The following ADGRL2 variants were observed in gnomAD, a reference collection of about 807,000 sequenced individuals.
ADGRL2 encodes the protein calcium-independent alpha-latrotoxin receptor 2.
In ADGRL2, 44 loss-of-function variants were observed where a neutral mutation model predicts 157.4. That is an observed-to-expected ratio of 0.28 (90% CI 0.22 to 0.36). The LOEUF (loss-of-function observed/expected upper bound fraction) is 0.36, where lower values mean the gene tolerates loss of function less well. ADGRL2 is among the 10% of genes least tolerant of loss of function. The pLI, the probability that ADGRL2 is intolerant of heterozygous loss-of-function variation, is 1.00. For missense variants in ADGRL2, 1,510 were observed against 1,768.9 expected, an observed-to-expected ratio of 0.85 and a Z score of 2.63; for synonymous variants, 585 against 624.7, an observed-to-expected ratio of 0.94 and a Z score of 0.95.
chr1:81,412,433 T>C (rs149275232), intron 1 of ADGRL2, among the ~76,000 whole-genome samples: 46 of 152,364 alleles, frequency 3.0e-4, no homozygotes, highest in Middle Eastern at 3.4e-3. Context: ...CATCTTCTCT[T>C]ACAGTTCAAC....
At chr1:81,711,547 A>G (rs984705456) in intron 1 of ADGRL2, among the ~76,000 whole-genome samples, 4 of 152,172 alleles carry the variant, frequency 2.6e-5, no homozygotes, top group African/African-American at 9.7e-5. Flanking sequence ...TTTTAAAAAG[A>G]CATACTTAAA....
chr1:81,951,134 C>T lies in ADGRL2; in HGVS notation c.1608+13C>T. 6.4e-7 allele frequency: 1 copy of T among 1,561,772 alleles called. No homozygotes were observed. The highest frequency in any genetic ancestry group is 8.8e-7 in the Non-Finnish European group (1 of 1,133,150). On this transcript the variant is annotated intron_variant, in intron 8 of 23. Transcript: ENST00000686636. Reference sequence around the variant, plus strand: ...GCTGGCTCAGAAGGTTGGTTGGAACCTTTTAATATGACACATTGGTGATTT... The same window carrying T: ...GCTGGCTCAGAAGGTTGGTTGGAACTTTTTAATATGACACATTGGTGATTT...
intron 1 of ADGRL2, among the ~76,000 whole-genome samples, chr1:81,753,228 C>A (rs1478631624): frequency 6.6e-6 from 1 of 152,194 alleles, no homozygotes; most frequent in Admixed American, 6.5e-5. Context: ...GGGGAGGCCT[C>A]ACAATCATGG....
chr1:81,993,071 ATATATATAT>A lies in ADGRL2; in HGVS notation c.*1927_*1935del, dbSNP rs1664836845. Reference sequence around the variant, plus strand: ...ATATATAATATACATATATATATATATATATATATATATATATTTTTTTTTTTTTTTTTT... The same window carrying A: ...ATATATAATATACATATATATATATAATATATATTTTTTTTTTTTTTTTTT... On this transcript the variant is annotated 3_prime_UTR_variant, in exon 24 of 24. Transcript: ENST00000686636. Among the ~76,000 whole-genome samples the A allele has an allele frequency of 3.4e-5, 1 of 29,488 alleles. No homozygotes were observed. 19.3% of individuals were successfully genotyped at this position (29,488 alleles called of 152,430 possible).
intron 14 of ADGRL2, 40 bp downstream of exon 14, chr1:81,968,239 T>G: frequency 6.5e-7 from 1 of 1,549,382 alleles, no homozygotes; most frequent in Non-Finnish European, 8.8e-7. Context: ...GAGAAAAACC[T>G]CAGAGATTCA....
intron 2 of ADGRL2, among the ~76,000 whole-genome samples, chr1:81,853,479 CA>C (rs1426255648): frequency 1.3e-5 from 2 of 152,054 alleles, no homozygotes; most frequent in Non-Finnish European, 2.9e-5. Flanking sequence ...TGCTGCTTGT[CA>C]GTAGTTTGTT....
At chr1:81,554,866 C>G (rs1307417700) in intron 2 of ADGRL2, among the ~76,000 whole-genome samples, 1 of 151,848 alleles carries the variant, frequency 6.6e-6, no homozygotes, top group Non-Finnish European at 1.5e-5. Flanking sequence ...CTATATGATC[C>G]CTGTATATTT....
chr1:81,396,395 TG>T (rs1205992882), intron 1 of ADGRL2, among the ~76,000 whole-genome samples: 2 of 152,202 alleles, frequency 1.3e-5, no homozygotes. Flanking sequence ...AACAGCTTTT[TG>T]TTAAGAGCTT....
intron 3 of ADGRL2, among the ~76,000 whole-genome samples, chr1:81,676,914 C>T (rs1028581742): frequency 2.7e-5 from 4 of 149,394 alleles, no homozygotes; most frequent in African/African-American, 9.9e-5. Context: ...TGTTCTCGAT[C>T]TCCTGACCTC....
At position 81,942,062 on chromosome 1, in the gene ADGRL2, C is replaced by G. The variant is rs766043894; in HGVS notation, c.409+17C>G. ...AGCAAAAAGGTAAATAACATACAGT[C>G]TGAACCCCAGCTCCCTGTTATGTGC... is the stretch of plus-strand genomic sequence containing the variant. On this transcript the variant is annotated intron_variant, in intron 5 of 23. Transcript: ENST00000686636. 5.2e-6 allele frequency: 4 copies of G among 768,090 alleles called. No homozygotes were observed. In the South Asian group the frequency reaches 5.5e-5, roughly 11 times the overall value. The allele number at this position is 768,090 out of a possible 1,614,324, so 47.6% of individuals were successfully genotyped here.
rs113405619 is a variant in ADGRL2 at position 81,323,166 on chromosome 1, T to A, written c.-302+16657T>A. Among the ~76,000 whole-genome samples the A allele has an allele frequency of 2.5e-3, 376 of 152,006 alleles. 2 individuals carry two copies. The highest frequency in any genetic ancestry group is 8.6e-3 in the African/African-American group (356 of 41,452). On this transcript the variant is annotated intron_variant, in intron 1 of 24. Coordinates refer to the ADGRL2 transcript ENST00000370721. Reference sequence around the variant, plus strand: ...AGCCACCGTGCCCGGCCTATAAACATATATTAATTGCCATTTTGGCAAGCA... The same window carrying A: ...AGCCACCGTGCCCGGCCTATAAACAAATATTAATTGCCATTTTGGCAAGCA...
intron 1 of ADGRL2, among the ~76,000 whole-genome samples, chr1:81,802,308 G>A (rs1275461003): frequency 1.3e-5 from 2 of 152,046 alleles, no homozygotes; most frequent in Admixed American, 6.5e-5. Context: ...CAGTCCGGGG[G>A]TGGATGCTGG....
chr1:81,892,518 C>T (rs1162222981), intron 2 of ADGRL2, among the ~76,000 whole-genome samples: 1 of 152,046 alleles, frequency 6.6e-6, no homozygotes, highest in Admixed American at 6.6e-5. Flanking sequence ...GTTTTACTAT[C>T]TTTAATCTGT....
At chr1:81,328,856 C>G (rs1661079163) in intron 1 of ADGRL2, among the ~76,000 whole-genome samples, 1 of 151,694 alleles carries the variant, frequency 6.6e-6, no homozygotes, top group Admixed American at 6.6e-5. Context: ...TCAAAGGGCA[C>G]AGAAGCGCTT....
chr1:81,670,614 A>T (rs1344144028), intron 3 of ADGRL2, among the ~76,000 whole-genome samples: 2 of 152,216 alleles, frequency 1.3e-5, no homozygotes, highest in Non-Finnish European at 2.9e-5. Context: ...AGCACCCTCT[A>T]ACCCACCAAT....
chr1:81,689,835 G>T (rs2083297359), intron 3 of ADGRL2, among the ~76,000 whole-genome samples: 1 of 152,162 alleles, frequency 6.6e-6, no homozygotes, highest in African/African-American at 2.4e-5. Context: ...ATTCCCTAAA[G>T]CCTCATCAGA....
intron 2 of ADGRL2, among the ~76,000 whole-genome samples, chr1:81,540,048 A>G (rs1406662413): frequency 6.6e-6 from 1 of 152,120 alleles, no homozygotes; most frequent in Non-Finnish European, 1.5e-5. Context: ...TTGTACTGCT[A>G]ACTAGCTTGG....
At chr1:81,512,898 A>G (rs899608683) in intron 2 of ADGRL2, among the ~76,000 whole-genome samples, 1 of 150,998 alleles carries the variant, frequency 6.6e-6, no homozygotes, top group Non-Finnish European at 1.5e-5. Flanking sequence ...AATCAGAATC[A>G]TTGCTTTCTC....
chr1:81,981,246 C>T (rs756404948), intron 18 of ADGRL2: 15 of 203,056 alleles, frequency 7.4e-5, no homozygotes, highest in Admixed American at 3.0e-4. Flanking sequence ...CTGTTCATGA[C>T]GAAATCTCTC....
Sources: gnomAD v4.1 joint callset for allele counts (sites outside exome capture counted in the v4.1 genomes callset) on GRCh38, gnomAD v4.1.1 for gene constraint, MANE v1.5 for transcripts, NCBI Gene and HGNC (gene_info 2026-07-23, HGNC 2026-07-21) for gene names.